The following TAFA4 variants were observed in gnomAD, a reference collection of about 807,000 sequenced individuals.
TAFA4 encodes chemokine-like protein TAFA-4.
A neutral mutation model predicts 21.1 loss-of-function variants in TAFA4; 20 were observed. That is an observed-to-expected ratio of 0.95 (90% CI 0.67 to 1.38). TAFA4 has a LOEUF of 1.38. Ranked by LOEUF, TAFA4 falls within the 40% of genes most tolerant of loss-of-function variation. The pLI is 0.00. For missense variants in TAFA4, 211 were observed against 180.9 expected (o/e 1.17, Z -0.95); for synonymous variants, 71 against 67.4 (o/e 1.05, Z -0.26).
chr3:68,742,975 C>T (rs890545554), intron 4 of TAFA4, among the ~76,000 whole-genome samples: 4 of 152,294 alleles, frequency 2.6e-5, no homozygotes, highest in South Asian at 4.1e-4. Flanking sequence ...CAGACAAACA[C>T]TATGTGGCAT....
intron 3 of TAFA4, among the ~76,000 whole-genome samples, chr3:68,770,733 T>G (rs1702940034): frequency 6.6e-6 from 1 of 152,164 alleles, no homozygotes. Context: ...AAATATTTTT[T>G]TGTGCAACCC....
At chr3:68,752,125 C>T (rs1559759062) in intron 4 of TAFA4, among the ~76,000 whole-genome samples, 1 of 152,152 alleles carries the variant, frequency 6.6e-6, no homozygotes, top group East Asian at 1.9e-4. Flanking sequence ...GACCTTTAGA[C>T]ATGCATCAAA....
intron 3 of TAFA4, among the ~76,000 whole-genome samples, chr3:68,874,146 T>A (rs2106941263): frequency 6.6e-6 from 1 of 152,332 alleles, no homozygotes; most frequent in East Asian, 1.9e-4. Flanking sequence ...TCTAACCCTG[T>A]CGGACTTAGT....
intron 3 of TAFA4, among the ~76,000 whole-genome samples, chr3:68,805,879 A>G (rs1243461295): frequency 2.0e-5 from 3 of 152,188 alleles, no homozygotes; most frequent in Non-Finnish European, 4.4e-5. Flanking sequence ...TGGGTGCAGC[A>G]TACCAACATG....
Position 68,922,352 on chromosome 3 carries a change from A to G in TAFA4, c.-123+9888T>C, listed in dbSNP as rs563317039. Among the ~76,000 whole-genome samples the G allele has an allele frequency of 2.6e-5, 4 of 152,338 alleles. No individual in the cohort carries two copies. The South Asian group carries it at 8.3e-4, about 32-fold the overall frequency. On this transcript the variant is annotated intron_variant, in intron 1 of 5. Transcript: ENST00000295569. ...TCCAGGTGCTCCAGCATTGGTCTAA[A>G]GGGTAATATTAGGAATGTCAAGAAT... is the stretch of plus-strand genomic sequence containing the variant.
chr3:68,751,705 T>C (rs1456281101), intron 4 of TAFA4, among the ~76,000 whole-genome samples: 1 of 152,202 alleles, frequency 6.6e-6, no homozygotes, highest in East Asian at 1.9e-4. Context: ...TGAAGTTCTT[T>C]ATCCAGCCTT....
intron 5 of TAFA4, among the ~76,000 whole-genome samples, chr3:68,737,674 ATCTTAATG>A (rs1449842026): frequency 6.6e-5 from 10 of 152,316 alleles, no homozygotes; most frequent in African/African-American, 2.2e-4. Context: ...ATTTTACAAA[ATCTTAATG>A]TATAAGTTCA....
chr3:68,847,885 G>A (rs759215623), intron 3 of TAFA4, among the ~76,000 whole-genome samples: 1 of 152,130 alleles, frequency 6.6e-6, no homozygotes, highest in African/African-American at 2.4e-5. Context: ...CCCTCCAAAG[G>A]TTAAGTGAAA....
intron 3 of TAFA4, among the ~76,000 whole-genome samples, chr3:68,789,015 C>T (rs1180486874): frequency 1.3e-5 from 2 of 152,002 alleles, no homozygotes; most frequent in Admixed American, 6.6e-5. Context: ...GGGTGGATCA[C>T]GAGGTCAGGA....
At chr3:68,756,416 T>G (rs1382426354) in intron 3 of TAFA4, among the ~76,000 whole-genome samples, 27 of 152,250 alleles carry the variant, frequency 1.8e-4, no homozygotes, top group Admixed American at 1.8e-3. Context: ...TAAAAGAGGT[T>G]TCCCTGAGGA....
chr3:68,754,956 C>T lies in TAFA4; in HGVS notation c.131-1938G>A, dbSNP rs148564020. 1.0e-3 allele frequency among the ~76,000 whole-genome samples: 154 copies of T among 152,274 alleles called. 1 individual carries two copies. Among genetic ancestry groups the T allele is most frequent in the African/African-American group, 3.5e-3 (146 of 41,548 alleles). On this transcript the variant is annotated intron_variant, in intron 3 of 5. Coordinates refer to ENST00000295569, the MANE Select transcript of TAFA4 (RefSeq NM_182522.5). ...ACTTACCTGGTATTTTCCCTGCCCC[C>T]GTAATTTCTTCAAGAATCCTTGATG...
intron 3 of TAFA4, among the ~76,000 whole-genome samples, chr3:68,807,574 G>A (rs137866147): frequency 6.6e-6 from 1 of 152,260 alleles, no homozygotes; most frequent in African/African-American, 2.4e-5. Context: ...ATGATCTGCA[G>A]GGCATTCACA....
chr3:68,826,876 C>T (rs1227947687), intron 3 of TAFA4, among the ~76,000 whole-genome samples: 3 of 151,688 alleles, frequency 2.0e-5, no homozygotes, highest in African/African-American at 7.3e-5. Context: ...TGTATAATTT[C>T]AAAAAATTTC....
chr3:68,892,586 GAAAT>G (rs1325273230), intron 1 of TAFA4, among the ~76,000 whole-genome samples: 3 of 152,100 alleles, frequency 2.0e-5, no homozygotes, highest in Non-Finnish European at 4.4e-5. Flanking sequence ...TACAAAGAAA[GAAAT>G]AAGATTCTTC....
At chr3:68,862,550 G>A (rs981359334) in intron 3 of TAFA4, among the ~76,000 whole-genome samples, 2 of 152,080 alleles carry the variant, frequency 1.3e-5, no homozygotes, top group African/African-American at 2.4e-5. Context: ...GATAGTCATC[G>A]ACAGAGATTC....
At chr3:68,827,301 T>A (rs998591701) in intron 3 of TAFA4, among the ~76,000 whole-genome samples, 2 of 152,108 alleles carry the variant, frequency 1.3e-5, no homozygotes, top group African/African-American at 4.8e-5. Flanking sequence ...GACATTTGGG[T>A]TGGTTCCAAG....
intron 3 of TAFA4, among the ~76,000 whole-genome samples, chr3:68,783,713 A>AAAAGAAAGAAAGAAAGAAAGAAAG (rs60548305): frequency 2.5e-5 from 2 of 80,796 alleles, no homozygotes; most frequent in African/African-American, 5.4e-5. Context: ...GAGAGAAAGA[A>AAAAGAAAGAAAGAAAGAAAGAAAG]AAAGAAAGAA....
intron 3 of TAFA4, among the ~76,000 whole-genome samples, chr3:68,858,577 C>CGT (rs4065047): frequency 0.26 from 37,939 of 145,810 alleles, 4,864 homozygotes; most frequent in Admixed American, 0.36. Flanking sequence ...TTCCAAGTGA[C>CGT]GTGTGTGTGT....
At chr3:68,915,189 T>C (rs7643040) in intron 1 of TAFA4, among the ~76,000 whole-genome samples, 38,961 of 152,002 alleles carry the variant, frequency 0.26, 5,321 homozygotes, top group African/African-American at 0.36. Context: ...CCATGATTAA[T>C]TCCTTGGCTC....
Sources: allele counts gnomAD v4.1 joint callset (sites outside exome capture counted in the v4.1 genomes callset), GRCh38; gene constraint gnomAD v4.1.1; transcripts MANE v1.5; gene names NCBI Gene and HGNC (gene_info 2026-07-23, HGNC 2026-07-21).